Variants in VPS13A observed in about 807,000 individuals in gnomAD.
The protein encoded by VPS13A is vacuolar protein sorting 13 homolog A, also known as intermembrane lipid transfer protein VPS13A.
VPS13A carries 264 observed loss-of-function variants against 390.9 expected under a neutral mutation model. The ratio of observed to expected loss-of-function variants is 0.68; its 90% CI spans 0.61 to 0.75. VPS13A has a LOEUF of 0.75. Ranked by LOEUF, VPS13A falls within the 30% of genes least tolerant of loss-of-function variation. VPS13A has a pLI of 0.00. For missense variants in VPS13A, 3,409 were observed against 3,733.9 expected, an observed-to-expected ratio of 0.91 and a Z score of 2.27; for synonymous variants, 1,231 against 1,227.1, an observed-to-expected ratio of 1.00 and a Z score of -0.07.
chr9:77,326,250 TC>T (rs1158740520), intron 45 of VPS13A, among the ~76,000 whole-genome samples: 1 of 152,160 alleles, frequency 6.6e-6, no homozygotes, highest in Non-Finnish European at 1.5e-5. Context: ...TTTTTTATGT[TC>T]CTTGTATTTG....
intron 56 of VPS13A, 79 bp from the exon 57 acceptor site, chr9:77,358,278 T>C: frequency 7.7e-7 from 1 of 1,292,846 alleles, no homozygotes; most frequent in South Asian, 1.2e-5. Context: ...TTTGATTCTT[T>C]TTGTTCCTCA....
chr9:77,401,742 C>T (rs894052085), intron 68 of VPS13A, among the ~76,000 whole-genome samples: 2 of 152,146 alleles, frequency 1.3e-5, no homozygotes, highest in African/African-American at 4.8e-5. Context: ...TATAAATTAT[C>T]TAATACAGTA....
At chr9:77,350,202 T>G (rs1464313029) in intron 52 of VPS13A, among the ~76,000 whole-genome samples, 1 of 152,220 alleles carries the variant, frequency 6.6e-6, no homozygotes, top group Non-Finnish European at 1.5e-5. Context: ...CTTCAACCTC[T>G]TTCCAAATTC....
In VPS13A at chr9:77,349,706, C is replaced by T. The variant is rs1392483315; in HGVS notation, c.7290-1611C>T. On this transcript the variant is annotated intron_variant, in intron 52 of 71. Coordinates refer to ENST00000360280, the MANE Select transcript of VPS13A (RefSeq NM_033305.3). The stretch of plus-strand genomic sequence containing the variant: ...TTGCCCAGGCTGGAGTGCAGAGGCG[C>T]GATCTCAGCTCACTGAAACCTCTGC... 1.8e-4 allele frequency among the ~76,000 whole-genome samples: 27 copies of T among 152,044 alleles called. 1 individual carries two copies. The highest frequency in any genetic ancestry group is 6.2e-4 in the South Asian group (3 of 4,818).
chr9:77,356,898 T>G, intron 55 of VPS13A, 31 bp downstream of exon 55: 2 of 1,611,546 alleles, frequency 1.2e-6, no homozygotes, highest in Middle Eastern at 1.8e-4. Flanking sequence ...TGTGAAGTTT[T>G]AATTTTTTGC....
At chr9:77,336,118 C>A (rs1830524859) in intron 46 of VPS13A, among the ~76,000 whole-genome samples, 1 of 152,136 alleles carries the variant, frequency 6.6e-6, no homozygotes, top group Non-Finnish European at 1.5e-5. Flanking sequence ...AAACCAAACA[C>A]CGCATGTTCT....
At chr9:77,351,263 A>T in intron 52 of VPS13A, 54 bp from the exon 53 acceptor site, 1 of 1,598,600 alleles carries the variant, frequency 6.3e-7, no homozygotes, top group Non-Finnish European at 8.5e-7. Context: ...GTTTTTTTTT[A>T]ATCTCTTCGT....
At chr9:77,190,959 T>C (rs891018489) in intron 1 of VPS13A, among the ~76,000 whole-genome samples, 1 of 152,082 alleles carries the variant, frequency 6.6e-6, no homozygotes, top group Non-Finnish European at 1.5e-5. Context: ...GGATCTCCTC[T>C]CTCTCTTTTT....
chr9:77,332,179 C>T (rs1413309960), intron 46 of VPS13A, 66 bp downstream of exon 46: 1 of 1,282,752 alleles, frequency 7.8e-7, no homozygotes, highest in African/African-American at 1.5e-5. Context: ...TCTGATTTCA[C>T]ATGGATAACT....
At chr9:77,325,859 A>G (rs751374022) in intron 45 of VPS13A, among the ~76,000 whole-genome samples, 2 of 151,954 alleles carry the variant, frequency 1.3e-5, no homozygotes, top group Admixed American at 6.6e-5. Flanking sequence ...ACAAGTTACT[A>G]TTTTTCTTAA....
rs1459227595 is a variant in VPS13A at position 77,295,643 on chromosome 9, G to T, written c.3609G>T (p.Arg1203Ser). 1.2e-6 allele frequency: 2 copies of T among 1,613,902 alleles called. No individual in the cohort carries two copies. Among genetic ancestry groups the T allele is most frequent in the African/African-American group, 2.7e-5 (2 of 74,910 alleles). Reference sequence around the variant, plus strand: ...CTGGTGTAAAAGAACTCGCACAAAGGAGTTCCAGAATGGCACTGGATATTA... The same window carrying T: ...CTGGTGTAAAAGAACTCGCACAAAGTAGTTCCAGAATGGCACTGGATATTA... ...AATGVKELAQ[R>S]SSRMALDINI... The change falls in exon 33 of 72, where the codon AGG (arginine) becomes AGT (serine). Residue 1203 changes from arginine to serine, a missense_variant. Arg to Ser is a moderately radical substitution (Grantham distance 110). Coordinates refer to ENST00000360280, the MANE Select transcript of VPS13A (RefSeq NM_033305.3).
intron 67 of VPS13A, among the ~76,000 whole-genome samples, chr9:77,380,237 A>G (rs1392633920): frequency 6.6e-6 from 1 of 150,470 alleles, no homozygotes; most frequent in African/African-American, 2.4e-5. Flanking sequence ...TGTGTCTTTG[A>G]CTCTAAATCA....
chr9:77,385,489 C>T (rs1002211029), intron 68 of VPS13A, among the ~76,000 whole-genome samples: 2 of 151,802 alleles, frequency 1.3e-5, no homozygotes, highest in Non-Finnish European at 2.9e-5. Context: ...GTAAACATAA[C>T]TATATATATT....
intron 25 of VPS13A, 85 bp downstream of exon 25, chr9:77,275,737 A>G: frequency 6.9e-7 from 1 of 1,449,564 alleles, no homozygotes; most frequent in Admixed American, 1.8e-5. Flanking sequence ...ATTGTTAAGA[A>G]GCACTATCTT....
intron 21 of VPS13A, 65 bp downstream of exon 21, chr9:77,250,294 C>A: frequency 6.5e-7 from 1 of 1,539,466 alleles, no homozygotes; most frequent in Non-Finnish European, 8.9e-7. Context: ...TTTTTAGACA[C>A]TTTGAAGACC....
At chr9:77,392,815 T>TA (rs34466446) in intron 68 of VPS13A, among the ~76,000 whole-genome samples, 54,548 of 140,234 alleles carry the variant, frequency 0.39, 11,080 homozygotes, top group East Asian at 0.61. Context: ...ACATAATTGC[T>TA]AAAAAAAAAA....
intron 31 of VPS13A, among the ~76,000 whole-genome samples, chr9:77,286,963 C>T (rs1827359340): frequency 1.3e-5 from 2 of 151,890 alleles, no homozygotes; most frequent in Admixed American, 1.3e-4. Flanking sequence ...TCTCCTAGAC[C>T]ACAGCCTTTC....
chr9:77,256,086 C>T (rs981166183), intron 22 of VPS13A, among the ~76,000 whole-genome samples: 4 of 151,714 alleles, frequency 2.6e-5, no homozygotes, highest in Non-Finnish European at 4.4e-5. Context: ...TAAAGTTAGG[C>T]TATTGATTTT....
In VPS13A at chr9:77,314,601, CCTTCT is replaced by C; in HGVS notation, c.4351_4355del (p.Phe1451IlefsTer8). The C allele has an allele frequency of 6.2e-7, 1 of 1,611,604 alleles. No homozygotes were observed. The highest frequency in any genetic ancestry group is 1.1e-5 in the South Asian group (1 of 90,860). Reference sequence around the variant, plus strand: ...TATACAGATGGCTCAACATTTTCTTCCTTCTCATTAAAAAACTGTATTTTAGATGA... The same window carrying C: ...TATACAGATGGCTCAACATTTTCTTCCATTAAAAAACTGTATTTTAGATGA... On this transcript the variant is annotated frameshift_variant, in exon 37 of 72. Coordinates refer to ENST00000360280, the MANE Select transcript of VPS13A (RefSeq NM_033305.3). LOFTEE classifies it high-confidence loss of function.
Sources: gnomAD v4.1 joint callset for allele counts (sites outside exome capture counted in the v4.1 genomes callset) on GRCh38, gnomAD v4.1.1 for gene constraint, MANE v1.5 for transcripts, NCBI Gene and HGNC (gene_info 2026-07-23, HGNC 2026-07-21) for gene names.